PTPRG: variants seen among roughly 807,000 people sequenced by gnomAD.
PTPRG encodes the protein receptor-type tyrosine-protein phosphatase gamma.
A neutral mutation model predicts 165.3 loss-of-function variants in PTPRG; 102 were observed. The observed-to-expected ratio is 0.62, with a 90% CI of 0.53 to 0.73. The LOEUF is 0.73. PTPRG is among the 30% of genes least tolerant of loss of function. The pLI, the probability that PTPRG is intolerant of heterozygous loss-of-function variation, is 0.00. For synonymous variants in PTPRG, 675 were observed against 669.5 expected (o/e 1.01, Z -0.13); for missense variants, 1,866 against 1,861.4 (o/e 1.00, Z -0.05).
At chr3:62,265,030 T>A (rs1320133171) in intron 17 of PTPRG, among the ~76,000 whole-genome samples, 1 of 152,124 alleles carries the variant, frequency 6.6e-6, no homozygotes, top group Non-Finnish European at 1.5e-5. Context: ...GATTTGCATG[T>A]CCCCAATTAT....
intron 2 of PTPRG, among the ~76,000 whole-genome samples, chr3:61,961,721 C>T (rs1398397143): frequency 6.6e-6 from 1 of 152,184 alleles, no homozygotes; most frequent in Non-Finnish European, 1.5e-5. Flanking sequence ...AAGCTGCTTT[C>T]TTTAGACCTG....
chr3:61,989,537 G>C, intron 2 of PTPRG, 88 bp from the exon 3 acceptor site: 1 of 1,267,622 alleles, frequency 7.9e-7, no homozygotes, highest in South Asian at 1.6e-5. Context: ...GACATGTTGA[G>C]AGATGCAGTG....
At chr3:61,672,776 A>AGAGG (rs1703074479) in intron 1 of PTPRG, among the ~76,000 whole-genome samples, 1 of 128,868 alleles carries the variant, frequency 7.8e-6, no homozygotes, top group African/African-American at 3.2e-5. Flanking sequence ...AGGGAGAGGG[A>AGAGG]GAGAGGGAGA....
chr3:61,891,074 C>T (rs1413770561), intron 2 of PTPRG, among the ~76,000 whole-genome samples: 1 of 151,932 alleles, frequency 6.6e-6, no homozygotes, highest in African/African-American at 2.4e-5. Context: ...AATCCCAGCA[C>T]CTTGGGAGGC....
intron 2 of PTPRG, among the ~76,000 whole-genome samples, chr3:61,891,600 T>G (rs1444811249): frequency 6.6e-6 from 1 of 152,198 alleles, no homozygotes; most frequent in Non-Finnish European, 1.5e-5. Context: ...AACTTTAAGG[T>G]CAAGAATGTT....
At chr3:62,084,113 C>G (rs1225108499) in intron 5 of PTPRG, among the ~76,000 whole-genome samples, 2 of 152,178 alleles carry the variant, frequency 1.3e-5, no homozygotes, top group Non-Finnish European at 2.9e-5. Flanking sequence ...TTTCCAGCCT[C>G]CTTTATGGCT....
chr3:62,267,508 T>C lies in PTPRG; in HGVS notation c.2739+16T>C. ...CTATGTTGATGTAAGTCAGAACTGT[T>C]ATTATAAACCTGTTTCTAGAAATTG... On this transcript the variant is annotated intron_variant, in intron 18 of 29. Coordinates refer to ENST00000474889, the MANE Select transcript of PTPRG (RefSeq NM_002841.4). The C allele has an allele frequency of 6.3e-7, 1 of 1,591,014 alleles. No individual in the cohort carries two copies. The highest frequency in any genetic ancestry group is 8.6e-7 in the Non-Finnish European group (1 of 1,162,996).
At position 61,887,149 on chromosome 3, in the gene PTPRG, TA is replaced by T. The variant is rs1414244829; in HGVS notation, c.191-102475del. ...ATATATATATATATATATATATATA[TA>T]TATATATATATATATATATATTTTT... On this transcript the variant is annotated intron_variant, in intron 2 of 29. Transcript: ENST00000474889. 1.7e-4 allele frequency among the ~76,000 whole-genome samples: 10 copies of T among 58,034 alleles called. 1 individual carries two copies. The highest frequency in any genetic ancestry group is 1.2e-3 in the East Asian group (3 of 2,512). The allele number at this position is 58,034 out of a possible 152,430, so 38.1% of individuals were successfully genotyped here. A position where few individuals can be genotyped will look rare whatever the true frequency, so the allele number is the denominator to read the frequency against.
At chr3:61,651,903 G>C (rs570792027) in intron 1 of PTPRG, among the ~76,000 whole-genome samples, 3 of 152,062 alleles carry the variant, frequency 2.0e-5, no homozygotes, top group Non-Finnish European at 2.9e-5. Context: ...CCAGTTATTC[G>C]GGAGGCTGAG....
At chr3:61,830,226 A>G (rs1200498351) in intron 2 of PTPRG, among the ~76,000 whole-genome samples, 1 of 152,236 alleles carries the variant, frequency 6.6e-6, no homozygotes, top group African/African-American at 2.4e-5. Flanking sequence ...GTAGCAAATC[A>G]GAATTGCCGT....
rs1360510167 is a variant in PTPRG at position 62,228,770 on chromosome 3, C to T, written c.2289-2455C>T. On this transcript the variant is annotated intron_variant, in intron 13 of 29. Transcript: ENST00000474889. The surrounding 1 kb of genome is among the most constrained non-coding windows in gnomAD (Gnocchi z 4.1). ...GTCAGTCCTGGTTGCTCAATGTCCT[C>T]TTATGCTGAGGGAGAGTGAGAATCA... Among the ~76,000 whole-genome samples the T allele has an allele frequency of 6.6e-6, 1 of 152,134 alleles. No individual in the cohort carries two copies. Among genetic ancestry groups the T allele is most frequent in the East Asian group, 1.9e-4 (1 of 5,184 alleles).
chr3:61,614,148 TCA>T (rs1027164443), intron 1 of PTPRG, among the ~76,000 whole-genome samples: 1 of 152,118 alleles, frequency 6.6e-6, no homozygotes, highest in Non-Finnish European at 1.5e-5. Context: ...CTGTTGTTCC[TCA>T]CTCACTCACT....
intron 15 of PTPRG, among the ~76,000 whole-genome samples, chr3:62,248,803 A>T (rs1701347709): frequency 6.6e-6 from 1 of 152,220 alleles, no homozygotes. Flanking sequence ...AGAGCATTAC[A>T]AAACAAAATG....
At chr3:61,820,139 T>C (rs560965593) in intron 2 of PTPRG, among the ~76,000 whole-genome samples, 29 of 152,234 alleles carry the variant, frequency 1.9e-4, no homozygotes, top group African/African-American at 6.5e-4. Flanking sequence ...AAAGGAGATA[T>C]ATTTTTAAAA....
At position 61,583,355 on chromosome 3, in the gene PTPRG, C is replaced by T. The variant is rs549342105; in HGVS notation, c.85+20983C>T. On this transcript the variant is annotated intron_variant, in intron 1 of 29. Coordinates refer to ENST00000474889, the MANE Select transcript of PTPRG (RefSeq NM_002841.4). ...AGTGGTCTTGTAAACTATAGTGTCT[C>T]TGTGCTTGCTGGTCATGGACTAGCT... Among the ~76,000 whole-genome samples the T allele has an allele frequency of 1.6e-4, 24 of 152,300 alleles. No individual in the cohort carries two copies. In the South Asian group the frequency reaches 2.3e-3, roughly 14 times the overall value.
At chr3:61,884,480 T>G (rs2107478894) in intron 2 of PTPRG, among the ~76,000 whole-genome samples, 1 of 152,332 alleles carries the variant, frequency 6.6e-6, no homozygotes, top group South Asian at 2.1e-4. Context: ...AAAGTTTTGA[T>G]AGAGTTGACC....
intron 6 of PTPRG, among the ~76,000 whole-genome samples, chr3:62,143,390 C>G (rs1398759208): frequency 1.3e-5 from 2 of 152,100 alleles, no homozygotes; most frequent in Admixed American, 6.5e-5. Flanking sequence ...TGGAGCAGAG[C>G]TGAGTTGCTG....
intron 2 of PTPRG, among the ~76,000 whole-genome samples, chr3:61,953,584 G>T (rs2039950781): frequency 6.6e-6 from 1 of 152,112 alleles, no homozygotes; most frequent in African/African-American, 2.4e-5. Context: ...TTGTTGTGGT[G>T]GTTCTATGGG....
At chr3:61,730,143 C>G (rs761045541) in intron 1 of PTPRG, among the ~76,000 whole-genome samples, 7 of 152,198 alleles carry the variant, frequency 4.6e-5, no homozygotes, top group Non-Finnish European at 1.0e-4. Flanking sequence ...GGTGCCACTC[C>G]TGGGCAGCTT....
Sources: gnomAD v4.1 joint callset for allele counts (sites outside exome capture counted in the v4.1 genomes callset) on GRCh38, gnomAD v4.1.1 for gene constraint, Gnocchi (gnomAD v3.1) non-coding constraint, MANE v1.5 for transcripts, NCBI Gene and HGNC (gene_info 2026-07-23, HGNC 2026-07-21) for gene names.